SYTL2: variants seen among roughly 807,000 people sequenced by gnomAD.
The protein encoded by SYTL2 is synaptotagmin like 2, also known as synaptotagmin-like protein 2.
A neutral mutation model predicts 198.7 loss-of-function variants in SYTL2; 165 were observed. That is an observed-to-expected ratio of 0.83 (90% CI 0.73 to 0.94). The LOEUF (loss-of-function observed/expected upper bound fraction) is 0.94, where lower values mean the gene tolerates loss of function less well. SYTL2 is among the 40% of genes least tolerant of loss of function. SYTL2 has a pLI of 0.00. For synonymous variants in SYTL2, 966 were observed against 917.7 expected (o/e 1.05, Z -0.95); for missense variants, 2,835 against 2,582.8 (o/e 1.10, Z -2.12).
rs2088982925 is a variant in SYTL2 at position 85,725,327 on chromosome 11, C to T, written c.4031G>A (p.Arg1344Lys). 4.3e-6 allele frequency: 7 copies of T among 1,613,866 alleles called. No individual in the cohort carries two copies. The highest frequency in any genetic ancestry group is 5.9e-6 in the Non-Finnish European group (7 of 1,179,920). Residue 1344 changes from arginine (R) to lysine (K), a missense_variant, in exon 8 of 20, where the codon AGG becomes AAG. This residue lies in a region of SYTL2 where 2,645 missense variants were observed against 2,381.7 expected (regional missense o/e 1.11). Transcript: ENST00000359152. Reference protein sequence around the residue: ...PQDAHLVPQARVHPSQTEISE... With the variant: ...PQDAHLVPQAKVHPSQTEISE... ...AATTTCCGTTTGAGAAGGGTGTACC[C>T]TAGCCTGGGGAACAAGATGAGCATC... is the stretch of plus-strand genomic sequence containing the variant.
At chr11:85,764,656 T>G (rs866853589) in intron 1 of SYTL2, among the ~76,000 whole-genome samples, 7 of 152,198 alleles carry the variant, frequency 4.6e-5, no homozygotes, top group South Asian at 2.1e-4. Flanking sequence ...ATGGGCAACA[T>G]GCATCAGCCC....
the SYTL2 span, among the ~76,000 whole-genome samples, chr11:85,816,307 T>A: frequency 2.0e-5 from 3 of 152,224 alleles, no homozygotes; most frequent in African/African-American, 4.8e-5. Flanking sequence ...TACACTTTTT[T>A]AAAAACCTCT....
At chr11:85,748,182 C>G in intron 3 of SYTL2, 90 bp downstream of exon 3, 8 of 1,383,198 alleles carry the variant, frequency 5.8e-6, no homozygotes, top group Non-Finnish European at 8.0e-6. Context: ...AAATGATTTC[C>G]ATCAGCAGAT....
At chr11:85,696,510 G>T in intron 18 of SYTL2, 122 bp from the exon 19 acceptor site, 1 of 826,588 alleles carries the variant, frequency 1.2e-6, no homozygotes, top group East Asian at 2.6e-5. Context: ...AGAGATAGTG[G>T]TGGTGGTGGT....
the SYTL2 span, among the ~76,000 whole-genome samples, chr11:85,817,180 C>T: frequency 1.3e-5 from 2 of 152,280 alleles, no homozygotes; most frequent in East Asian, 3.9e-4. Flanking sequence ...ACAGCTACTA[C>T]TATTTGAGTA....
chr11:85,766,094 C>T (rs1370629009), intron 1 of SYTL2, among the ~76,000 whole-genome samples: 2 of 152,030 alleles, frequency 1.3e-5, no homozygotes, highest in African/African-American at 4.8e-5. Context: ...GCATTCTGGG[C>T]AAGAGCGCTG....
the SYTL2 span, among the ~76,000 whole-genome samples, chr11:85,839,667 C>G: frequency 6.6e-6 from 1 of 152,200 alleles, no homozygotes; most frequent in Admixed American, 6.5e-5. Flanking sequence ...GTTACATTCT[C>G]TTTATCCATT....
chr11:85,844,024 C>A, the SYTL2 span, among the ~76,000 whole-genome samples: 1 of 152,182 alleles, frequency 6.6e-6, no homozygotes, highest in Non-Finnish European at 1.5e-5. Context: ...AAGTCAGGGG[C>A]ATTCGATAGA....
intron 11 of SYTL2, among the ~76,000 whole-genome samples, chr11:85,715,526 A>G (rs2087061355): frequency 1.3e-5 from 2 of 152,218 alleles, no homozygotes; most frequent in Non-Finnish European, 2.9e-5. Flanking sequence ...ATTTATATAC[A>G]TAACACAAAA....
At chr11:85,804,200 TA>T (rs908934915) in intron 1 of SYTL2, among the ~76,000 whole-genome samples, 2 of 152,236 alleles carry the variant, frequency 1.3e-5, no homozygotes, top group African/African-American at 4.8e-5. Context: ...TATCTCTGTG[TA>T]ACAAAATTTT....
At chr11:85,759,262 A>G (rs2092018248) in intron 1 of SYTL2, among the ~76,000 whole-genome samples, 1 of 149,114 alleles carries the variant, frequency 6.7e-6, no homozygotes. Context: ...AAAAAAAAAG[A>G]AAGAAAAAAA....
the SYTL2 span, among the ~76,000 whole-genome samples, chr11:85,850,264 T>C: frequency 2.6e-5 from 4 of 151,628 alleles, no homozygotes; most frequent in East Asian, 1.9e-4. Flanking sequence ...CTTTTCCTAA[T>C]TGAATACCCT....
intron 1 of SYTL2, among the ~76,000 whole-genome samples, chr11:85,778,297 C>G (rs1053072533): frequency 6.6e-6 from 1 of 152,190 alleles, no homozygotes; most frequent in South Asian, 2.1e-4. Context: ...CCCTCACCCC[C>G]CAAAGCAATT....
At chr11:85,789,293 ATATTTATTTATTTATAT>A (rs1417270580) in intron 1 of SYTL2, among the ~76,000 whole-genome samples, 2 of 136,306 alleles carry the variant, frequency 1.5e-5, no homozygotes, top group African/African-American at 5.5e-5. Flanking sequence ...ATATATATAT[ATATTTATTTATTTATAT>A]GATGTGTGTG....
intron 1 of SYTL2, among the ~76,000 whole-genome samples, chr11:85,770,241 A>G (rs1175790359): frequency 1.3e-5 from 2 of 152,196 alleles, no homozygotes; most frequent in African/African-American, 2.4e-5. Context: ...AGGTGACACT[A>G]TGGATGCTTT....
chr11:85,853,288 A>G, the SYTL2 span: 4 of 441,362 alleles, frequency 9.1e-6, no homozygotes, highest in African/African-American at 6.2e-5. Flanking sequence ...AAAAGTAGAC[A>G]TAGGAGACTC....
chr11:85,818,268 G>A, the SYTL2 span, among the ~76,000 whole-genome samples: 1 of 152,026 alleles, frequency 6.6e-6, no homozygotes, highest in South Asian at 2.1e-4. Context: ...ACATACACAT[G>A]AAACATAATT....
At chr11:85,728,129 A>C (rs2153472527) in intron 7 of SYTL2, 162 bp from the exon 8 acceptor site, 1 of 622,840 alleles carries the variant, frequency 1.6e-6, no homozygotes. Flanking sequence ...AGTTGTCCTA[A>C]TTAAGGTATT....
chr11:85,843,853 A>C, the SYTL2 span, among the ~76,000 whole-genome samples: 2 of 152,178 alleles, frequency 1.3e-5, no homozygotes, highest in Non-Finnish European at 2.9e-5. Flanking sequence ...TGAGACACAG[A>C]AAGGTAGAGT....
Sources: gnomAD v4.1 joint callset for allele counts (sites outside exome capture counted in the v4.1 genomes callset) on GRCh38, gnomAD v4.1.1 for gene constraint, gnomAD v4.1.1 regional missense constraint, MANE v1.5 for transcripts, NCBI Gene and HGNC (gene_info 2026-07-23, HGNC 2026-07-21) for gene names.